The following ANKFN1 variants were observed in gnomAD, a reference collection of about 807,000 sequenced individuals.
ANKFN1 encodes the protein ankyrin repeat and fibronectin type-III domain-containing protein 1.
A neutral mutation model predicts 108.7 loss-of-function variants in ANKFN1; 74 were observed. The ratio of observed to expected loss-of-function variants is 0.68; its 90% confidence interval spans 0.56 to 0.83. The LOEUF (loss-of-function observed/expected upper bound fraction) is 0.83. ANKFN1 is among the 40% of genes least tolerant of loss of function. The pLI is 0.00. For missense variants in ANKFN1, 1,505 were observed against 1,382.3 expected (o/e 1.09, Z -1.41); for synonymous variants, 547 against 516.2 (o/e 1.06, Z -0.81).
intron 3 of ANKFN1, among the ~76,000 whole-genome samples, chr17:56,296,082 T>C (rs964663210): frequency 2.0e-4 from 31 of 152,304 alleles, no homozygotes; most frequent in African/African-American, 7.5e-4. Context: ...CAGGTTTTTT[T>C]TTCAAATTAA....
intron 8 of ANKFN1, among the ~76,000 whole-genome samples, chr17:56,428,990 G>A (rs974130248): frequency 5.9e-5 from 9 of 152,028 alleles, no homozygotes; most frequent in African/African-American, 2.2e-4. Flanking sequence ...GCAAAATTGA[G>A]TTAGGTGCAG....
chr17:56,064,638 C>A (rs1036368762), intron 4 of ANKFN1, among the ~76,000 whole-genome samples: 1 of 152,226 alleles, frequency 6.6e-6, no homozygotes, highest in Non-Finnish European at 1.5e-5. Flanking sequence ...ACCTTTCCCC[C>A]ACCCAGGCAG....
intron 3 of ANKFN1, among the ~76,000 whole-genome samples, chr17:56,313,052 G>A (rs1331477401): frequency 6.6e-6 from 1 of 151,908 alleles, no homozygotes; most frequent in African/African-American, 2.4e-5. Flanking sequence ...CTATTCAGGA[G>A]GCTGAGGTGG....
At chr17:56,090,889 T>C (rs890279401) in intron 4 of ANKFN1, among the ~76,000 whole-genome samples, 4 of 151,410 alleles carry the variant, frequency 2.6e-5, no homozygotes, top group Middle Eastern at 3.4e-3. Flanking sequence ...ATTACAGGTG[T>C]GAGCCACCGT....
intron 1 of ANKFN1, among the ~76,000 whole-genome samples, chr17:56,187,668 A>G (rs1270703223): frequency 6.6e-6 from 1 of 152,190 alleles, no homozygotes; most frequent in African/African-American, 2.4e-5. Flanking sequence ...AACAGCAAAG[A>G]CTTGGAACCA....
intron 6 of ANKFN1, among the ~76,000 whole-genome samples, chr17:56,357,462 C>T (rs1052859258): frequency 2.0e-5 from 3 of 152,226 alleles, no homozygotes; most frequent in South Asian, 2.1e-4. Flanking sequence ...CACAAACTCA[C>T]TGCCTTTCCA....
chr17:56,109,581 T>A (rs1195510466), intron 4 of ANKFN1, among the ~76,000 whole-genome samples: 1 of 151,998 alleles, frequency 6.6e-6, no homozygotes, highest in African/African-American at 2.4e-5. Context: ...ACAATCAGAA[T>A]GGCTGAAAAA....
upstream of ANKFN1, among the ~76,000 whole-genome samples, chr17:56,150,168 A>G (rs994902325): frequency 3.3e-5 from 5 of 152,230 alleles, no homozygotes; most frequent in African/African-American, 1.2e-4. Flanking sequence ...TATAGGGCAA[A>G]GGTCACAAAG....
In ANKFN1 at chr17:56,511,069, C is replaced by T. The variant is rs1223381034; in HGVS notation, c.3241C>T (p.Gln1081Ter). The T allele has an allele frequency of 1.3e-6, 2 of 1,535,890 alleles. No homozygotes were observed. Among genetic ancestry groups the T allele is most frequent in the East Asian group, 2.4e-5 (1 of 40,922 alleles). The change falls in exon 21 of 21, where the codon CAG becomes TAG. Residue 1081 changes from glutamine (Q) to a stop codon, truncating the protein, a stop_gained. Coordinates refer to ENST00000682825, the MANE Select transcript of ANKFN1 (RefSeq NM_001370326.1). LOFTEE classifies it low-confidence loss of function (END_TRUNC). ...SLPEERNSSL[Q>*]DARPSVRRLY... ...TCCTGAGGAGCGGAACAGCAGTCTC[C>T]AGGACGCGAGGCCTTCCGTCCGCCG...
At chr17:56,344,937 T>G (rs1334245483) in intron 4 of ANKFN1, among the ~76,000 whole-genome samples, 1 of 152,102 alleles carries the variant, frequency 6.6e-6, no homozygotes. Context: ...GCAAGTTTGT[T>G]ACATAGGTAT....
intron 3 of ANKFN1, among the ~76,000 whole-genome samples, chr17:56,239,044 T>A (rs1422395338): frequency 6.6e-6 from 1 of 152,182 alleles, no homozygotes; most frequent in Non-Finnish European, 1.5e-5. Context: ...ATCCTTGCCA[T>A]GAAAATGTTT....
chr17:56,507,451 T>C (rs1344538938), intron 20 of ANKFN1, among the ~76,000 whole-genome samples: 1 of 152,076 alleles, frequency 6.6e-6, no homozygotes, highest in East Asian at 1.9e-4. Flanking sequence ...TCACCCCTCC[T>C]TATTATATTA....
At chr17:56,425,686 T>C (rs2048541399) in intron 8 of ANKFN1, among the ~76,000 whole-genome samples, 1 of 152,204 alleles carries the variant, frequency 6.6e-6, no homozygotes, top group Non-Finnish European at 1.5e-5. Context: ...CTTTAGCCAC[T>C]CTTTCCTATA....
intron 3 of ANKFN1, among the ~76,000 whole-genome samples, chr17:56,231,186 G>A (rs1916709607): frequency 6.6e-6 from 1 of 152,036 alleles, no homozygotes; most frequent in Non-Finnish European, 1.5e-5. Flanking sequence ...CAAGCCTAGA[G>A]CAGTCTCTTT....
intron 8 of ANKFN1, among the ~76,000 whole-genome samples, chr17:56,431,585 A>G (rs2048758970): frequency 6.6e-6 from 1 of 152,208 alleles, no homozygotes; most frequent in South Asian, 2.1e-4. Flanking sequence ...TACAAGAGAA[A>G]GTGGGTGTCC....
At chr17:56,093,676 C>A (rs542883705) in intron 4 of ANKFN1, among the ~76,000 whole-genome samples, 1 of 151,378 alleles carries the variant, frequency 6.6e-6, no homozygotes, top group South Asian at 2.1e-4. Context: ...AGTTTGCTTT[C>A]GCAAGTAAAT....
intron 3 of ANKFN1, among the ~76,000 whole-genome samples, chr17:56,313,556 T>G (rs1448078250): frequency 6.6e-6 from 1 of 152,200 alleles, no homozygotes; most frequent in Non-Finnish European, 1.5e-5. Context: ...TCCTTTTCTC[T>G]TGGTCCTTGG....
At chr17:56,266,870 G>C (rs1374496914) in intron 3 of ANKFN1, among the ~76,000 whole-genome samples, 1 of 152,162 alleles carries the variant, frequency 6.6e-6, no homozygotes, top group Non-Finnish European at 1.5e-5. Flanking sequence ...AAACTCAAGA[G>C]TGTTTAGAGG....
chr17:56,433,798 A>G (rs1430261467), intron 8 of ANKFN1, among the ~76,000 whole-genome samples: 1 of 151,834 alleles, frequency 6.6e-6, no homozygotes, highest in African/African-American at 2.4e-5. Flanking sequence ...CATGTAACCA[A>G]ATACCACCTG....
Sources: gnomAD v4.1 joint callset for allele counts (sites outside exome capture counted in the v4.1 genomes callset) on GRCh38, gnomAD v4.1.1 for gene constraint, MANE v1.5 for transcripts, NCBI Gene and HGNC (gene_info 2026-07-23, HGNC 2026-07-21) for gene names.